Variants in GMDS observed in about 807,000 individuals in gnomAD.
The protein encoded by GMDS is GDP-mannose 4,6-dehydratase.
In GMDS, 20 loss-of-function variants were observed where a neutral mutation model predicts 49.9. That is an observed-to-expected ratio of 0.40 (90% CI 0.28 to 0.58). GMDS has a LOEUF of 0.58. Among genes scored for constraint, GMDS ranks in the 20% least tolerant of loss-of-function variants. The pLI is 0.42. For missense variants in GMDS, 362 were observed against 481.4 expected (o/e 0.75, Z 2.32); for synonymous variants, 177 against 178.6 (o/e 0.99, Z 0.07).
intron 7 of GMDS, among the ~76,000 whole-genome samples, chr6:1,771,921 T>C (rs1768590883): frequency 6.6e-6 from 1 of 152,132 alleles, no homozygotes; most frequent in African/African-American, 2.4e-5. Context: ...TAGGAGGCAA[T>C]CAGTCTCAGG....
At chr6:1,872,064 C>T (rs1758788473) in intron 7 of GMDS, among the ~76,000 whole-genome samples, 1 of 152,178 alleles carries the variant, frequency 6.6e-6, no homozygotes, top group Non-Finnish European at 1.5e-5. Context: ...TTCTCAGATC[C>T]CCTCTTTCAA....
intron 7 of GMDS, among the ~76,000 whole-genome samples, chr6:1,783,095 T>C (rs1201882416): frequency 1.3e-5 from 2 of 152,016 alleles, no homozygotes; most frequent in Non-Finnish European, 1.5e-5. Context: ...GTCAAGGCTG[T>C]AGTGAGCAGA....
At chr6:2,117,623 GT>G in intron 2 of GMDS, 67 bp from the exon 3 acceptor site, 1 of 809,102 alleles carries the variant, frequency 1.2e-6, no homozygotes, top group Admixed American at 1.9e-5. Flanking sequence ...TTTAGCTAAT[GT>G]TTAGCTTTAT....
chr6:2,104,909 G>A (rs575294053), intron 4 of GMDS, among the ~76,000 whole-genome samples: 12 of 152,158 alleles, frequency 7.9e-5, no homozygotes, highest in East Asian at 1.9e-4. Context: ...CTAACCGGGT[G>A]CGGTGGCTCA....
At chr6:2,094,049 T>G (rs1399786540) in intron 4 of GMDS, among the ~76,000 whole-genome samples, 1 of 152,196 alleles carries the variant, frequency 6.6e-6, no homozygotes. Context: ...TGGGCCTTTG[T>G]GCGGAAACAG....
At chr6:1,671,854 AGG>A (rs982096078) in intron 9 of GMDS, among the ~76,000 whole-genome samples, 1 of 151,952 alleles carries the variant, frequency 6.6e-6, no homozygotes, top group African/African-American at 2.4e-5. Flanking sequence ...TAGTAGAGAC[AGG>A]GTTTCACCAT....
chr6:1,624,368 C>T (rs938682336), intron 10 of GMDS, 104 bp downstream of exon 10: 45 of 1,299,024 alleles, frequency 3.5e-5, no homozygotes, highest in Middle Eastern at 2.2e-4. Context: ...CCCCGCCTTC[C>T]GGGCTTTGGG....
At chr6:1,939,034 G>T (rs1399718781) in intron 6 of GMDS, among the ~76,000 whole-genome samples, 1 of 129,340 alleles carries the variant, frequency 7.7e-6, no homozygotes, top group African/African-American at 2.9e-5. Flanking sequence ...TTCTTTTTTG[G>T]CACATCCAAA....
At chr6:1,675,212 T>A in intron 9 of GMDS, among the ~76,000 whole-genome samples, 1 of 152,170 alleles carries the variant, frequency 6.6e-6, no homozygotes, top group African/African-American at 2.4e-5. Flanking sequence ...GCTGATACAT[T>A]GTTTTAAATT....
intron 7 of GMDS, among the ~76,000 whole-genome samples, chr6:1,905,132 C>T (rs1760691998): frequency 6.6e-6 from 1 of 152,240 alleles, no homozygotes; most frequent in Non-Finnish European, 1.5e-5. Context: ...CTTAACCAAG[C>T]GATGCCTCCT....
At chr6:1,893,850 C>T (rs904136710) in intron 7 of GMDS, among the ~76,000 whole-genome samples, 2 of 152,088 alleles carry the variant, frequency 1.3e-5, no homozygotes, top group Non-Finnish European at 2.9e-5. Context: ...GAAAAATAAC[C>T]GACCTGCCAT....
chr6:1,709,243 G>A (rs144738132), intron 9 of GMDS, among the ~76,000 whole-genome samples: 36 of 152,340 alleles, frequency 2.4e-4, no homozygotes, highest in African/African-American at 8.2e-4. Context: ...GAGGGGCCTG[G>A]CTAGAAAGTG....
chr6:1,843,394 A>G (rs1354601151), intron 7 of GMDS, among the ~76,000 whole-genome samples: 1 of 152,198 alleles, frequency 6.6e-6, no homozygotes, highest in Non-Finnish European at 1.5e-5. Flanking sequence ...TATGTTAGAA[A>G]AGAAGCTACA....
At chr6:1,632,064 A>G (rs9405142) in intron 9 of GMDS, among the ~76,000 whole-genome samples, 5,653 of 152,256 alleles carry the variant, frequency 0.037, 443 homozygotes, top group East Asian at 0.25. Context: ...TTACATCTTC[A>G]TGAGAGGAAC....
chr6:2,017,126 T>A (rs1284775056), intron 4 of GMDS, among the ~76,000 whole-genome samples: 2 of 151,856 alleles, frequency 1.3e-5, no homozygotes, highest in African/African-American at 4.8e-5. Flanking sequence ...GCTGAAAAGA[T>A]CAATAAAATG....
intron 7 of GMDS, among the ~76,000 whole-genome samples, chr6:1,777,907 A>G (rs188270753): frequency 3.9e-5 from 6 of 152,216 alleles, no homozygotes; most frequent in Non-Finnish European, 8.8e-5. Flanking sequence ...GAAATAATCC[A>G]GACAGTTTTA....
intron 2 of GMDS, among the ~76,000 whole-genome samples, chr6:2,123,170 A>C (rs1301179716): frequency 6.6e-6 from 1 of 152,160 alleles, no homozygotes; most frequent in Non-Finnish European, 1.5e-5. Flanking sequence ...AATGGTTGCC[A>C]TCTACACATC....
At chr6:1,715,408 A>G (rs1435185187) in intron 9 of GMDS, among the ~76,000 whole-genome samples, 1 of 152,204 alleles carries the variant, frequency 6.6e-6, no homozygotes, top group Non-Finnish European at 1.5e-5. Flanking sequence ...GTGCACATTC[A>G]TTCATTCTTT....
intron 4 of GMDS, among the ~76,000 whole-genome samples, chr6:2,018,248 A>G (rs1017665381): frequency 6.6e-6 from 1 of 152,190 alleles, no homozygotes; most frequent in Non-Finnish European, 1.5e-5. Flanking sequence ...TGATGCTATG[A>G]CTCAAATCGT....
Sources: gnomAD v4.1 joint callset for allele counts (sites outside exome capture counted in the v4.1 genomes callset) on GRCh38, gnomAD v4.1.1 for gene constraint, MANE v1.5 for transcripts, NCBI Gene and HGNC (gene_info 2026-07-23, HGNC 2026-07-21) for gene names.